Variants in HIPK3 observed in about 807,000 individuals in gnomAD.
The protein encoded by HIPK3 is homeodomain interacting protein kinase 3.
Under a neutral mutation model 124.2 loss-of-function variants are expected in HIPK3, and 47 were observed. The observed-to-expected ratio is 0.38, with a 90% confidence interval of 0.30 to 0.48. The LOEUF (loss-of-function observed/expected upper bound fraction) is 0.48, where lower values mean the gene tolerates loss of function less well. Ranked by LOEUF, HIPK3 falls within the 20% of genes least tolerant of loss-of-function variation. HIPK3 has a pLI of 0.98. For missense variants in HIPK3, 1,286 were observed against 1,454.3 expected (o/e 0.88, Z 1.88); for synonymous variants, 482 against 515.2 (o/e 0.94, Z 0.87).
At chr11:33,281,058 C>CT (rs56902582) in intron 1 of HIPK3, among the ~76,000 whole-genome samples, 5,609 of 110,796 alleles carry the variant, frequency 0.051, 684 homozygotes, top group East Asian at 0.083. Context: ...ACTTATTTGA[C>CT]TTTTTTTTTT....
chr11:33,346,847 T>A (rs2133995776), intron 8 of HIPK3, among the ~76,000 whole-genome samples: 1 of 152,328 alleles, frequency 6.6e-6, no homozygotes, highest in East Asian at 1.9e-4. Context: ...TGCTACTAGA[T>A]TGCTCTGTTA....
At chr11:33,328,485 T>C (rs2133968274) in intron 2 of HIPK3, 25 bp from the exon 3 acceptor site, 1 of 1,604,522 alleles carries the variant, frequency 6.2e-7, no homozygotes, top group Non-Finnish European at 8.5e-7. Context: ...ACCACCCTGA[T>C]TTTTGTTTTA....
At chr11:33,305,330 T>C (rs1383999484) in intron 2 of HIPK3, among the ~76,000 whole-genome samples, 1 of 152,206 alleles carries the variant, frequency 6.6e-6, no homozygotes, top group African/African-American at 2.4e-5. Flanking sequence ...TTCACTACTC[T>C]GTATTACCTT....
At chr11:33,318,614 A>G (rs1590396160) in intron 2 of HIPK3, among the ~76,000 whole-genome samples, 1 of 152,332 alleles carries the variant, frequency 6.6e-6, no homozygotes, top group East Asian at 1.9e-4. Flanking sequence ...CTGTTACTGT[A>G]TATTTTAAAA....
At chr11:33,295,746 A>G (rs1028775722) in intron 2 of HIPK3, among the ~76,000 whole-genome samples, 6 of 152,332 alleles carry the variant, frequency 3.9e-5, no homozygotes, top group African/African-American at 1.4e-4. Flanking sequence ...AACTTCACAG[A>G]ACTGATGTTG....
intron 2 of HIPK3, among the ~76,000 whole-genome samples, chr11:33,314,023 A>G (rs1447289953): frequency 6.6e-6 from 1 of 151,906 alleles, no homozygotes; most frequent in Non-Finnish European, 1.5e-5. Context: ...GGGCCTTGCT[A>G]TGTGCCCAGG....
intron 7 of HIPK3, among the ~76,000 whole-genome samples, 160 bp from the exon 8 acceptor site, chr11:33,341,403 G>A (rs920213119): frequency 2.0e-4 from 31 of 152,062 alleles, no homozygotes; most frequent in Admixed American, 1.7e-3. Flanking sequence ...CAGTAGAATC[G>A]GTTTTTAAAT....
chr11:33,258,932 T>TA lies in HIPK3; in HGVS notation c.-3+1044dup, dbSNP rs879662523. 8.0e-3 allele frequency among the ~76,000 whole-genome samples: 1,216 copies of TA among 152,274 alleles called. 6 individuals are homozygous for TA. The highest frequency in any genetic ancestry group is 0.014 in the Middle Eastern group (4 of 294). On this transcript the variant is annotated intron_variant, in intron 1 of 16. Coordinates refer to ENST00000303296, the MANE Select transcript of HIPK3 (RefSeq NM_005734.5). ...TTAGCAACAGCAAAAAATTTCAGTT[T>TA]ATCGTCCAGTTTAGAGGGAAAGCGC...
At chr11:33,330,126 A>G (rs1479493441) in intron 3 of HIPK3, among the ~76,000 whole-genome samples, 1 of 152,232 alleles carries the variant, frequency 6.6e-6, no homozygotes, top group Non-Finnish European at 1.5e-5. Flanking sequence ...TTTTAAAGAC[A>G]AAGCCTTGAC....
At chr11:33,289,231 C>T (rs1590362147) in intron 2 of HIPK3, among the ~76,000 whole-genome samples, 1 of 151,922 alleles carries the variant, frequency 6.6e-6, no homozygotes, top group East Asian at 1.9e-4. Context: ...CTTTAGGCCA[C>T]GAGTTTAAGA....
intron 1 of HIPK3, among the ~76,000 whole-genome samples, chr11:33,281,262 C>T (rs1474463191): frequency 6.6e-6 from 1 of 151,740 alleles, no homozygotes; most frequent in African/African-American, 2.4e-5. Context: ...AAGTGTGAGC[C>T]ACTATGCTTG....
chr11:33,315,014 T>G (rs550295063), intron 2 of HIPK3, among the ~76,000 whole-genome samples: 1 of 152,316 alleles, frequency 6.6e-6, no homozygotes, highest in East Asian at 1.9e-4. Context: ...GCAATACAAA[T>G]ATGTAGCACT....
chr11:33,283,116 T>C (rs1735634026), intron 1 of HIPK3, among the ~76,000 whole-genome samples: 1 of 147,752 alleles, frequency 6.8e-6, no homozygotes, highest in African/African-American at 2.4e-5. Flanking sequence ...CAGAATTTCT[T>C]TTTTTTTTTT....
chr11:33,347,234 GTA>G, intron 8 of HIPK3, 57 bp from the exon 9 acceptor site: 1 of 1,458,982 alleles, frequency 6.9e-7, no homozygotes. Flanking sequence ...TAAAATAATT[GTA>G]TAAGTTAAAT....
intron 2 of HIPK3, among the ~76,000 whole-genome samples, chr11:33,316,177 ATCTG>A (rs955909587): frequency 4.6e-5 from 7 of 152,338 alleles, no homozygotes; most frequent in Admixed American, 4.6e-4. Flanking sequence ...CTGTTTTGAA[ATCTG>A]TCTACCTTTC....
At chr11:33,316,407 C>G (rs893203453) in intron 2 of HIPK3, among the ~76,000 whole-genome samples, 2 of 152,194 alleles carry the variant, frequency 1.3e-5, no homozygotes, top group African/African-American at 4.8e-5. Flanking sequence ...GTAAGTTCCC[C>G]TGTTATGCTA....
chr11:33,305,868 A>G (rs1275553989), intron 2 of HIPK3, among the ~76,000 whole-genome samples: 1 of 150,034 alleles, frequency 6.7e-6, no homozygotes, highest in Non-Finnish European at 1.5e-5. Flanking sequence ...TTTTTTGGAG[A>G]CAGAGTCTCA....
rs186871274 is a variant in HIPK3, at chr11:33,283,156, G to A, written c.-2-3257G>A. 8.5e-4 allele frequency among the ~76,000 whole-genome samples: 129 copies of A among 151,938 alleles called. 2 individuals are homozygous for A. The highest frequency in any genetic ancestry group is 8.3e-3 in the East Asian group (43 of 5,164). ...GACGGAGTCTCCCTCTGCCGCCCAGGAAGGAGTGCAGTGGCGCGATCTCTG... is the reference window on the plus strand; with the variant it reads ...GACGGAGTCTCCCTCTGCCGCCCAGAAAGGAGTGCAGTGGCGCGATCTCTG... On this transcript the variant is annotated intron_variant, in intron 1 of 16. Transcript: ENST00000303296.
intron 2 of HIPK3, among the ~76,000 whole-genome samples, chr11:33,290,625 G>GT (rs1454738384): frequency 2.6e-5 from 2 of 77,986 alleles, no homozygotes; most frequent in African/African-American, 7.5e-5. Flanking sequence ...TTCCACTAGA[G>GT]TTAAAAAAAA....
Sources: gnomAD v4.1 joint callset for allele counts (sites outside exome capture counted in the v4.1 genomes callset) on GRCh38, gnomAD v4.1.1 for gene constraint, MANE v1.5 for transcripts, NCBI Gene and HGNC (gene_info 2026-07-23, HGNC 2026-07-21) for gene names.